Variants in ARHGAP26 observed in about 807,000 individuals in gnomAD.
ARHGAP26 encodes the protein rho GTPase-activating protein 26.
ARHGAP26 carries 38 observed loss-of-function variants against 104.8 expected under a neutral mutation model. The ratio of observed to expected loss-of-function variants is 0.36; its 90% CI spans 0.28 to 0.48. The LOEUF (loss-of-function observed/expected upper bound fraction) is 0.48, where lower values mean the gene tolerates loss of function less well. Ranked by LOEUF, ARHGAP26 falls within the 20% of genes least tolerant of loss-of-function variation. The probability of loss-of-function intolerance (pLI) is 0.99; values close to 1 mark genes in which losing one functional copy is unlikely to be tolerated. For synonymous variants in ARHGAP26, 341 were observed against 340.0 expected (o/e 1.00, Z -0.03); for missense variants, 704 against 947.9 (o/e 0.74, Z 3.38).
At chr5:142,942,235 A>T (rs1011916129) in intron 11 of ARHGAP26, among the ~76,000 whole-genome samples, 3 of 152,216 alleles carry the variant, frequency 2.0e-5, no homozygotes, top group African/African-American at 4.8e-5. Flanking sequence ...AATTTAGCTC[A>T]GAGATTACAT....
At chr5:142,820,913 A>G (rs1766036880) in intron 1 of ARHGAP26, among the ~76,000 whole-genome samples, 1 of 152,204 alleles carries the variant, frequency 6.6e-6, no homozygotes, top group African/African-American at 2.4e-5. Flanking sequence ...TAGGACAGCC[A>G]AGATGACTAG....
chr5:142,820,477 G>C (rs540716885), intron 1 of ARHGAP26, among the ~76,000 whole-genome samples: 2 of 152,026 alleles, frequency 1.3e-5, no homozygotes, highest in Admixed American at 6.6e-5. Flanking sequence ...CCCACCTAAG[G>C]CTCATATTGA....
intron 20 of ARHGAP26, among the ~76,000 whole-genome samples, chr5:143,180,678 C>T (rs1394578671): frequency 6.6e-6 from 1 of 152,096 alleles, no homozygotes; most frequent in Non-Finnish European, 1.5e-5. Flanking sequence ...GGAAGAGTCC[C>T]TTATAAAACC....
chr5:143,227,112 T>C lies in ARHGAP26; in HGVS notation c.*4666T>C. 1.3e-5 allele frequency: 3 copies of C among 230,358 alleles called. No individual in the cohort carries two copies. The highest frequency in any genetic ancestry group is 2.6e-5 in the Non-Finnish European group (3 of 116,306). The allele number at this position is 230,358 out of a possible 1,614,324, so 14.3% of individuals were successfully genotyped here. ...GCACCTGTCATCCTCTGGCTTCTGC[T>C]CCCAAAAGCAAGTCTGGATGACTGA... is the stretch of plus-strand genomic sequence containing the variant. On this transcript the variant is annotated 3_prime_UTR_variant, in exon 23 of 23. Coordinates refer to ENST00000645722, the MANE Select transcript of ARHGAP26 (RefSeq NM_001135608.3).
At chr5:143,174,677 GAT>G (rs1461080298) in intron 20 of ARHGAP26, among the ~76,000 whole-genome samples, 6 of 152,140 alleles carry the variant, frequency 3.9e-5, no homozygotes, top group African/African-American at 1.4e-4. Flanking sequence ...TTTATTTGTA[GAT>G]ATATACCTCT....
At chr5:143,209,272 C>T (rs1043809433) in intron 21 of ARHGAP26, among the ~76,000 whole-genome samples, 9 of 152,168 alleles carry the variant, frequency 5.9e-5, no homozygotes, top group African/African-American at 1.4e-4. Context: ...CCTCTTCACT[C>T]GTTTTCATCT....
intron 12 of ARHGAP26, among the ~76,000 whole-genome samples, chr5:143,035,785 A>G (rs1467648345): frequency 1.3e-5 from 2 of 151,778 alleles, no homozygotes; most frequent in Non-Finnish European, 2.9e-5. Flanking sequence ...AAAATACAAA[A>G]CTTAGCCAGA....
chr5:143,117,068 G>A (rs1795553872), intron 17 of ARHGAP26, among the ~76,000 whole-genome samples: 1 of 152,214 alleles, frequency 6.6e-6, no homozygotes, highest in South Asian at 2.1e-4. Context: ...AGTCCACGTG[G>A]ATGTAGGGAT....
chr5:143,227,330 T>C lies in ARHGAP26; in HGVS notation c.*4884T>C. On this transcript the variant is annotated 3_prime_UTR_variant, in exon 23 of 23. Coordinates refer to ENST00000645722, the MANE Select transcript of ARHGAP26 (RefSeq NM_001135608.3). ...GTTCTGCCAAAGGAGTTATCTATCA[T>C]CTCTGGCAAACTTGACAATCATCAC... 4.3e-6 allele frequency: 1 copy of C among 231,072 alleles called. No individual in the cohort carries two copies. The allele number at this position is 231,072 out of a possible 1,614,324, so 14.3% of individuals were successfully genotyped here.
At chr5:142,862,862 T>C (rs1753613400) in intron 1 of ARHGAP26, among the ~76,000 whole-genome samples, 4 of 152,206 alleles carry the variant, frequency 2.6e-5, no homozygotes, top group Admixed American at 1.3e-4. Flanking sequence ...CAGCACATCA[T>C]TGTGAAGACA....
intron 19 of ARHGAP26, among the ~76,000 whole-genome samples, chr5:143,146,064 C>A (rs1799119010): frequency 1.3e-5 from 2 of 152,128 alleles, no homozygotes; most frequent in Non-Finnish European, 2.9e-5. Context: ...ATACCCCTGA[C>A]TCGCTGCAAA....
intron 1 of ARHGAP26, among the ~76,000 whole-genome samples, chr5:142,797,542 T>C (rs374094900): frequency 1.3e-5 from 2 of 152,330 alleles, no homozygotes; most frequent in South Asian, 4.1e-4. Context: ...TTTTGTATCA[T>C]AGCTGTCTGT....
chr5:142,986,651 G>T (rs1031257378), intron 11 of ARHGAP26, among the ~76,000 whole-genome samples: 7 of 152,180 alleles, frequency 4.6e-5, no homozygotes, highest in African/African-American at 1.7e-4. Context: ...CAACATTTAA[G>T]TCTTTAATCC....
chr5:142,981,644 G>A (rs115531551), intron 11 of ARHGAP26, among the ~76,000 whole-genome samples: 186 of 152,314 alleles, frequency 1.2e-3, no homozygotes, highest in African/African-American at 4.2e-3. Flanking sequence ...CTCCTTTCCT[G>A]CAGAGCAGAA....
chr5:143,157,717 C>T lies in ARHGAP26; in HGVS notation c.1988+10336C>T, dbSNP rs193241378. Among the ~76,000 whole-genome samples the T allele has an allele frequency of 1.1e-4, 17 of 152,246 alleles. No individual in the cohort carries two copies. The East Asian group carries it at 3.1e-3, about 28-fold the overall frequency. On this transcript the variant is annotated intron_variant, in intron 20 of 22. Coordinates refer to ENST00000645722, the MANE Select transcript of ARHGAP26 (RefSeq NM_001135608.3). ...TGGATGGCATTACTATGGTAGAGATCCTTTCAGAGAACAGAGATTTTGTTT... is the reference window on the plus strand; with the variant it reads ...TGGATGGCATTACTATGGTAGAGATTCTTTCAGAGAACAGAGATTTTGTTT...
At chr5:142,989,814 G>A (rs938678415) in intron 11 of ARHGAP26, among the ~76,000 whole-genome samples, 7 of 152,250 alleles carry the variant, frequency 4.6e-5, no homozygotes, top group Non-Finnish European at 4.4e-5. Context: ...AGTTTCTGCC[G>A]AGAGATCCGC....
intron 14 of ARHGAP26, among the ~76,000 whole-genome samples, chr5:143,045,058 A>C (rs1281889809): frequency 6.6e-6 from 1 of 152,186 alleles, no homozygotes; most frequent in African/African-American, 2.4e-5. Flanking sequence ...AAAAAGAAGC[A>C]CTTTAGCTCA....
At chr5:143,203,852 C>T (rs886988282) in intron 20 of ARHGAP26, 2 of 151,628 alleles carry the variant, frequency 1.3e-5, no homozygotes, top group African/African-American at 2.4e-5. Context: ...TGTTCTCACT[C>T]ATAAGTGGGA....
At chr5:143,102,729 A>G (rs1379226872) in intron 17 of ARHGAP26, among the ~76,000 whole-genome samples, 1 of 152,236 alleles carries the variant, frequency 6.6e-6, no homozygotes, top group African/African-American at 2.4e-5. Flanking sequence ...TTCTCTGCAT[A>G]TACTCCAATC....
Sources: allele counts gnomAD v4.1 joint callset (sites outside exome capture counted in the v4.1 genomes callset), GRCh38; gene constraint gnomAD v4.1.1; transcripts MANE v1.5; gene names NCBI Gene and HGNC (gene_info 2026-07-23, HGNC 2026-07-21).